The following RIMKLB variants were observed in gnomAD, a reference collection of about 807,000 sequenced individuals.
RIMKLB encodes the protein ribosomal modification protein rimK like family member B.
A neutral mutation model predicts 32.0 loss-of-function variants in RIMKLB; 7 were observed. The observed-to-expected ratio is 0.22, with a 90% CI of 0.12 to 0.41. The LOEUF is 0.41. Among genes scored for constraint, RIMKLB ranks in the 10% least tolerant of loss-of-function variants. The pLI is 1.00. For synonymous variants in RIMKLB, 172 were observed against 185.1 expected, an observed-to-expected ratio of 0.93 and a Z score of 0.57; for missense variants, 289 against 498.7, an observed-to-expected ratio of 0.58 and a Z score of 4.00.
chr12:8,764,863 G>A (rs919247047), intron 5 of RIMKLB, among the ~76,000 whole-genome samples: 1 of 151,516 alleles, frequency 6.6e-6, no homozygotes, highest in African/African-American at 2.4e-5. Context: ...GCCCTATTAG[G>A]CGTTGGATTT....
At position 8,752,615 on chromosome 12, in the gene RIMKLB, T is replaced by A. The variant is rs138077958; in HGVS notation, c.493+572T>A. Among the ~76,000 whole-genome samples, 627 of 152,334 alleles carry A rather than the reference T, an allele frequency of 4.1e-3. 5 individuals carry two copies. The highest frequency in any genetic ancestry group is 0.014 in the African/African-American group (602 of 41,586). On this transcript the variant is annotated intron_variant, in intron 4 of 5. Transcript: ENST00000535829. The stretch of plus-strand genomic sequence containing the variant: ...CTCCAGTCATTGCCCTCTAAAGATA[T>A]ATAGTTTGAAGACTTAAATGCGTAA...
intron 5 of RIMKLB, among the ~76,000 whole-genome samples, chr12:8,769,986 T>G (rs1053514197): frequency 2.6e-4 from 37 of 143,020 alleles, no homozygotes; most frequent in Admixed American, 1.2e-3. Flanking sequence ...TTTTTTTTTT[T>G]GGGAGATGGA....
At chr12:8,751,383 C>T (rs1362377144) in intron 3 of RIMKLB, among the ~76,000 whole-genome samples, 1 of 152,108 alleles carries the variant, frequency 6.6e-6, no homozygotes, top group Non-Finnish European at 1.5e-5. Context: ...TTGCTCTAAC[C>T]TTGTTATTGT....
intron 2 of RIMKLB, among the ~76,000 whole-genome samples, chr12:8,721,558 G>A (rs1945440615): frequency 6.6e-6 from 1 of 152,158 alleles, no homozygotes; most frequent in Non-Finnish European, 1.5e-5. Flanking sequence ...GACTGCAGCA[G>A]TTTAATCCCG....
chr12:8,743,782 G>A (rs1037524859), intron 2 of RIMKLB, among the ~76,000 whole-genome samples: 5 of 151,834 alleles, frequency 3.3e-5, no homozygotes, highest in African/African-American at 1.2e-4. Context: ...ATTGCTGTTC[G>A]AGGGTTAACT....
At chr12:8,736,916 G>C (rs1229284396) in intron 2 of RIMKLB, among the ~76,000 whole-genome samples, 3 of 152,102 alleles carry the variant, frequency 2.0e-5, no homozygotes, top group Non-Finnish European at 4.4e-5. Flanking sequence ...CGTTCAGGCA[G>C]TTCTCCTGCC....
intron 5 of RIMKLB, among the ~76,000 whole-genome samples, chr12:8,770,909 T>A (rs1950346742): frequency 1.3e-5 from 2 of 152,312 alleles, no homozygotes; most frequent in Non-Finnish European, 2.9e-5. Context: ...TTTGATTAAT[T>A]TGCTACAGCA....
intron 2 of RIMKLB, among the ~76,000 whole-genome samples, chr12:8,730,883 G>T (rs1417678774): frequency 6.6e-6 from 1 of 151,960 alleles, no homozygotes; most frequent in African/African-American, 2.4e-5. Flanking sequence ...GGGATTACAG[G>T]CATATGCCTT....
chr12:8,753,515 C>T (rs1204795559), intron 4 of RIMKLB, among the ~76,000 whole-genome samples: 6 of 152,082 alleles, frequency 3.9e-5, no homozygotes, highest in Non-Finnish European at 5.9e-5. Context: ...ATCCTAATAT[C>T]GTATATTAAT....
intron 5 of RIMKLB, among the ~76,000 whole-genome samples, chr12:8,771,610 A>C (rs1353455512): frequency 6.6e-6 from 1 of 152,148 alleles, no homozygotes; most frequent in Non-Finnish European, 1.5e-5. Context: ...TTATTGTTGC[A>C]GTTTAATGTC....
intron 2 of RIMKLB, among the ~76,000 whole-genome samples, 186 bp from the exon 3 acceptor site, chr12:8,749,676 A>G (rs1408763689): frequency 1.3e-5 from 2 of 152,196 alleles, no homozygotes; most frequent in Non-Finnish European, 2.9e-5. Flanking sequence ...GATGTGTACT[A>G]TAATTTCTTT....
At chr12:8,680,924 T>C (rs1410059596), upstream of RIMKLB, among the ~76,000 whole-genome samples, 2 of 152,026 alleles carry the variant, frequency 1.3e-5, no homozygotes, top group East Asian at 3.9e-4. Context: ...AAACTTACAA[T>C]GAAGCATTGT....
At chr12:8,779,411 C>G (rs925546884), downstream of RIMKLB, 2 of 152,190 alleles carry the variant, frequency 1.3e-5, no homozygotes, top group African/African-American at 4.8e-5. Flanking sequence ...AGAAGCACAG[C>G]AGGCCTCTAG....
chr12:8,761,495 A>G (rs1303551112), intron 5 of RIMKLB, among the ~76,000 whole-genome samples: 2 of 152,006 alleles, frequency 1.3e-5, no homozygotes, highest in African/African-American at 4.8e-5. Flanking sequence ...TCCCTGCTCA[A>G]ATGCCTGGGG....
At chr12:8,778,565 A>C (rs1950866334), downstream of RIMKLB, among the ~76,000 whole-genome samples, 1 of 152,172 alleles carries the variant, frequency 6.6e-6, no homozygotes, top group Non-Finnish European at 1.5e-5. Context: ...CAAGGACATA[A>C]AATGTCAGGG....
chr12:8,693,238 C>T (rs1233801612), upstream of RIMKLB, among the ~76,000 whole-genome samples: 1 of 152,128 alleles, frequency 6.6e-6, no homozygotes, highest in Admixed American at 6.5e-5. Flanking sequence ...CAAGTAGAAT[C>T]AGAGACGTGG....
At chr12:8,677,958 A>G (rs905030711), upstream of RIMKLB, among the ~76,000 whole-genome samples, 1 of 142,752 alleles carries the variant, frequency 7.0e-6, no homozygotes, top group Admixed American at 7.0e-5. Context: ...TTATTTATTT[A>G]TTTTTGTAGA....
At chr12:8,720,089 A>G (rs1291564403) in intron 2 of RIMKLB, among the ~76,000 whole-genome samples, 3 of 152,224 alleles carry the variant, frequency 2.0e-5, no homozygotes, top group African/African-American at 7.2e-5. Context: ...TAAGTTTGGT[A>G]TAGCTAGATG....
intron 1 of RIMKLB, among the ~76,000 whole-genome samples, chr12:8,706,444 C>CTTTTTT (rs1199005342): frequency 1.1e-5 from 1 of 95,220 alleles, no homozygotes; most frequent in South Asian, 3.4e-4. Flanking sequence ...CACGCCTGGA[C>CTTTTTT]TTTTTTTTTT....
Sources: gnomAD v4.1 joint callset for allele counts (sites outside exome capture counted in the v4.1 genomes callset) on GRCh38, gnomAD v4.1.1 for gene constraint, MANE v1.5 for transcripts, NCBI Gene and HGNC (gene_info 2026-07-23, HGNC 2026-07-21) for gene names.